Variants in KCNQ1 observed in about 807,000 individuals in gnomAD.
KCNQ1 encodes the protein potassium voltage-gated channel subfamily KQT member 1.
KCNQ1 carries 49 observed loss-of-function variants against 72.4 expected under a neutral mutation model. That is an observed-to-expected ratio of 0.68 (90% CI 0.54 to 0.86). The LOEUF (loss-of-function observed/expected upper bound fraction) is 0.86. KCNQ1 is among the 40% of genes least tolerant of loss of function. The pLI is 0.00. For missense variants in KCNQ1, 790 were observed against 945.1 expected (o/e 0.84, Z 2.15); for synonymous variants, 450 against 412.6 (o/e 1.09, Z -1.10).
chr11:2,532,359 C>T (rs1450277253), intron 2 of KCNQ1, among the ~76,000 whole-genome samples: 1 of 152,250 alleles, frequency 6.6e-6, no homozygotes, highest in African/African-American at 2.4e-5. Context: ...CTCCCGGCTT[C>T]AGCTGCCCCT....
At chr11:2,470,214 G>A (rs1846423841) in intron 1 of KCNQ1, among the ~76,000 whole-genome samples, 1 of 152,210 alleles carries the variant, frequency 6.6e-6, no homozygotes, top group Non-Finnish European at 1.5e-5. Flanking sequence ...AATCATCGAG[G>A]TTTATTGAGC....
At chr11:2,476,705 AAGAC>A (rs1846573451) in intron 1 of KCNQ1, among the ~76,000 whole-genome samples, 1 of 151,628 alleles carries the variant, frequency 6.6e-6, no homozygotes, top group African/African-American at 2.4e-5. Flanking sequence ...TTGTGTTTTT[AAGAC>A]AGAGTCTCAC....
intron 15 of KCNQ1, among the ~76,000 whole-genome samples, chr11:2,847,449 G>A (rs999083637): frequency 3.9e-5 from 6 of 152,214 alleles, no homozygotes; most frequent in African/African-American, 1.4e-4. Context: ...ACAGAAGGCC[G>A]GCCAGCCTGG....
At position 2,483,519 on chromosome 11, in the gene KCNQ1, C is replaced by T. The variant is rs1461749367; in HGVS notation, c.386+38035C>T. Among the ~76,000 whole-genome samples, 1 of 152,184 alleles carries T rather than the reference C, an allele frequency of 6.6e-6. No homozygotes were observed. Among genetic ancestry groups the T allele is most frequent in the Admixed American group, 6.5e-5 (1 of 15,278 alleles). The stretch of plus-strand genomic sequence containing the variant: ...TGTTCTGTGATCCCCACGTTGCTTT[C>T]AGCTGCCAGGTCTCCTTTCGTGTCC... On this transcript the variant is annotated intron_variant, in intron 1 of 15. Transcript: ENST00000155840. The surrounding 1 kb of genome is among the most constrained non-coding windows in gnomAD (Gnocchi z 6.1).
In KCNQ1 at chr11:2,647,430, C is replaced by T. The variant is rs2133837809; in HGVS notation, c.1394-14531C>T. 1 of 398,484 alleles carries T rather than the reference C, an allele frequency of 2.5e-6. No individual in the cohort carries two copies. Among genetic ancestry groups the T allele is most frequent in the East Asian group, 3.6e-5 (1 of 28,052 alleles). The allele number at this position is 398,484 out of a possible 1,614,324, so 24.7% of individuals were successfully genotyped here. On this transcript the variant is annotated intron_variant, in intron 10 of 15. Coordinates refer to ENST00000155840, the MANE Select transcript of KCNQ1 (RefSeq NM_000218.3). This position sits in a 1 kb window ranked among gnomAD's most constrained non-coding sequence, Gnocchi z 4.0. ...TTTCTGAGGATTCTGCATCTATGTT[C>T]ATCAGGGAGATTGGCCTGTAGTTTT...
chr11:2,461,229 G>A (rs1009956946), intron 1 of KCNQ1, among the ~76,000 whole-genome samples: 8 of 151,932 alleles, frequency 5.3e-5, no homozygotes, highest in Non-Finnish European at 1.5e-5. Flanking sequence ...CATGTGCAGG[G>A]CTGTTTGAAG....
chr11:2,723,527 T>C lies in KCNQ1; in HGVS notation c.1515-45317T>C, dbSNP rs538102384. On this transcript the variant is annotated intron_variant, in intron 11 of 15. Transcript: ENST00000155840. The surrounding 1 kb of genome is among the most constrained non-coding windows in gnomAD (Gnocchi z 4.2). ...GCCCCACACCTGGTCCGCTGTTCTG[T>C]CCTTACTGTAGCAGTGGGCCTGGAG... Among the ~76,000 whole-genome samples, 1 of 152,322 alleles carries C rather than the reference T, an allele frequency of 6.6e-6. No individual in the cohort carries two copies. Among genetic ancestry groups the C allele is most frequent in the African/African-American group, 2.4e-5 (1 of 41,566 alleles).
intron 15 of KCNQ1, 109 bp from the exon 16 acceptor site, chr11:2,847,658 G>A: frequency 9.7e-7 from 1 of 1,028,410 alleles, no homozygotes; most frequent in Non-Finnish European, 1.5e-6. Flanking sequence ...TGCACTTGCA[G>A]AGACGGTTGG....
chr11:2,555,829 G>C (rs903303157), intron 2 of KCNQ1, among the ~76,000 whole-genome samples: 2 of 152,260 alleles, frequency 1.3e-5, no homozygotes, highest in Non-Finnish European at 2.9e-5. Flanking sequence ...GAATGGGGCA[G>C]GGGTAGGCTG....
Position 2,617,687 on chromosome 11 carries a change from C to T in KCNQ1, c.1393+28833C>T, listed in dbSNP as rs1477583597. 2.5e-6 allele frequency: 1 copy of T among 398,364 alleles called. No homozygotes were observed. The highest frequency in any genetic ancestry group is 4.4e-6 in the Non-Finnish European group (1 of 226,012). The allele number at this position is 398,364 out of a possible 1,614,324, so 24.7% of individuals were successfully genotyped here. A position where few individuals can be genotyped will look rare whatever the true frequency, so the allele number is the denominator to read the frequency against. On this transcript the variant is annotated intron_variant, in intron 10 of 15. Transcript: ENST00000155840. The surrounding 1 kb of genome is among the most constrained non-coding windows in gnomAD (Gnocchi z 4.6). ...AATCTACAGTCCCACCAACACTGTA[C>T]AAGAGTTCCCTAACCCTAGCCAACA...
At position 2,768,950 on chromosome 11, in the gene KCNQ1, A is replaced by T. The variant is rs184365395; in HGVS notation, c.1590+31A>T. 3.1e-4 allele frequency: 478 copies of T among 1,564,766 alleles called. 5 individuals are homozygous for T. In the East Asian group the frequency reaches 8.3e-3, roughly 27 times the overall value. On this transcript the variant is annotated intron_variant, in intron 12 of 15. Transcript: ENST00000155840. This position sits in a 1 kb window ranked among gnomAD's most constrained non-coding sequence, Gnocchi z 6.7. ...CCCTGTGCTGAGCCTTCCTGCCCTC[A>T]GCCTGCCCCTCGCAGCCTGATGCAG... is the stretch of plus-strand genomic sequence containing the variant.
chr11:2,557,594 C>G lies in KCNQ1; in HGVS notation c.478-13034C>G, dbSNP rs1295873441. Among the ~76,000 whole-genome samples, 7 of 152,362 alleles carry G rather than the reference C, an allele frequency of 4.6e-5. No homozygotes were observed. In the East Asian group the frequency reaches 1.3e-3, roughly 29 times the overall value. The stretch of plus-strand genomic sequence containing the variant: ...AGGGCTCAGTGGGACGGCTCATCTC[C>G]CCTCTGCATAGTATCAGCTGGGGCT... On this transcript the variant is annotated intron_variant, in intron 2 of 15. Coordinates refer to ENST00000155840, the MANE Select transcript of KCNQ1 (RefSeq NM_000218.3).
Position 2,538,076 on chromosome 11 carries a change from C to T in KCNQ1, c.477+10058C>T, listed in dbSNP as rs952216283. ...GTTGGAGGCAGTATGACCGTTTCTC[C>T]GTATAAAGCCCGTGTATATCCTCTG... is the stretch of plus-strand genomic sequence containing the variant. On this transcript the variant is annotated intron_variant, in intron 2 of 15. Coordinates refer to ENST00000155840, the MANE Select transcript of KCNQ1 (RefSeq NM_000218.3). The surrounding 1 kb of genome is among the most constrained non-coding windows in gnomAD (Gnocchi z 6.7). 8.5e-5 allele frequency among the ~76,000 whole-genome samples: 13 copies of T among 152,234 alleles called. No homozygotes were observed. The highest frequency in any genetic ancestry group is 1.4e-4 in the African/African-American group (6 of 41,536).
At chr11:2,802,303 C>T (rs549352055) in intron 15 of KCNQ1, among the ~76,000 whole-genome samples, 7 of 152,346 alleles carry the variant, frequency 4.6e-5, no homozygotes, top group African/African-American at 9.6e-5. Flanking sequence ...GCCCTGGCTC[C>T]GGCCCTGTCG....
rs1203120973 is a variant in KCNQ1 at position 2,550,028 on chromosome 11, G to A, written c.478-20600G>A. On this transcript the variant is annotated intron_variant, in intron 2 of 15. Coordinates refer to ENST00000155840, the MANE Select transcript of KCNQ1 (RefSeq NM_000218.3). This position sits in a 1 kb window ranked among gnomAD's most constrained non-coding sequence, Gnocchi z 6.0. ...GCAGGGGACTGTTTGGGCCTCGAGA[G>A]GGACGGACCCCAGAACTGGACCCCA... Among the ~76,000 whole-genome samples the A allele has an allele frequency of 2.0e-5, 3 of 152,212 alleles. No individual in the cohort carries two copies. The highest frequency in any genetic ancestry group is 7.2e-5 in the African/African-American group (3 of 41,454).
intron 2 of KCNQ1, among the ~76,000 whole-genome samples, chr11:2,556,825 G>T (rs951377775): frequency 1.2e-4 from 19 of 152,318 alleles, no homozygotes; most frequent in African/African-American, 4.3e-4. Flanking sequence ...CCAGTGAAAT[G>T]AGAGTTCAGT....
chr11:2,627,549 G>A lies in KCNQ1; in HGVS notation c.1394-34412G>A. 1 of 398,452 alleles carries A rather than the reference G, an allele frequency of 2.5e-6. No individual in the cohort carries two copies. The highest frequency in any genetic ancestry group is 4.4e-6 in the Non-Finnish European group (1 of 226,038). 24.7% of individuals were successfully genotyped at this position (398,452 alleles called of 1,614,324 possible). A position where few individuals can be genotyped will look rare whatever the true frequency, so the allele number is the denominator to read the frequency against. On this transcript the variant is annotated intron_variant, in intron 10 of 15. Transcript: ENST00000155840. The surrounding 1 kb of genome is among the most constrained non-coding windows in gnomAD (Gnocchi z 4.9). The stretch of plus-strand genomic sequence containing the variant: ...TTCCATATGTAACTGGGATAGTGCA[G>A]TATTTGTCTTTCTGTGTCTGGCTAT...
In KCNQ1 at chr11:2,797,727, C is replaced by T. The variant is rs147072329; in HGVS notation, c.1794+19690C>T. ...TCCATTCTGCCCCTTCTCAGGTGTG[C>T]GGGACCTTTTTACAGCCCCCTGCTT... On this transcript the variant is annotated intron_variant, in intron 15 of 15. Transcript: ENST00000155840. Among the ~76,000 whole-genome samples, 509 of 152,264 alleles carry T rather than the reference C, an allele frequency of 3.3e-3. 5 individuals are homozygous for T. The highest frequency in any genetic ancestry group is 0.015 in the South Asian group (70 of 4,826).
intron 10 of KCNQ1, chr11:2,649,007 C>CTTTTTTTTTTTTTTTTTTTTTTTT (rs1849715724): frequency 3.7e-6 from 1 of 271,238 alleles, no homozygotes; most frequent in Non-Finnish European, 6.0e-6. Context: ...TTTTTTTTGA[C>CTTTTTTTTTTTTTTTTTTTTTTTT]TCAGTATTTT....
Sources: allele counts gnomAD v4.1 joint callset (sites outside exome capture counted in the v4.1 genomes callset), GRCh38; gene constraint gnomAD v4.1.1; non-coding constraint Gnocchi (gnomAD v3.1); transcripts MANE v1.5; gene names NCBI Gene and HGNC (gene_info 2026-07-23, HGNC 2026-07-21).